ADAMTS3: variants seen among roughly 807,000 people sequenced by gnomAD.
The protein encoded by ADAMTS3 is ADAM metallopeptidase with thrombospondin type 1 motif 3.
ADAMTS3 carries 73 observed loss-of-function variants against 129.0 expected under a neutral mutation model. That is an observed-to-expected ratio of 0.57 (90% CI 0.47 to 0.69). The LOEUF is 0.69. Among genes scored for constraint, ADAMTS3 ranks in the 30% least tolerant of loss-of-function variants. ADAMTS3 has a pLI of 0.00. For missense variants in ADAMTS3, 1,457 were observed against 1,514.5 expected (o/e 0.96, Z 0.63); for synonymous variants, 477 against 510.8 (o/e 0.93, Z 0.89).
At position 72,389,297 on chromosome 4, in the gene ADAMTS3, C is replaced by T. The variant is rs142345069; in HGVS notation, c.661+25518G>A. On this transcript the variant is annotated intron_variant, in intron 4 of 21. Coordinates refer to ENST00000286657, the MANE Select transcript of ADAMTS3 (RefSeq NM_014243.3). Reference sequence around the variant, plus strand: ...TCCAGCAAAAATAAAAAAGAAAATTCAGAAGAATAATCTGTTTCAAAATTT... The same window carrying T: ...TCCAGCAAAAATAAAAAAGAAAATTTAGAAGAATAATCTGTTTCAAAATTT... Among the ~76,000 whole-genome samples the T allele has an allele frequency of 7.5e-3, 1,148 of 152,132 alleles. 4 individuals carry two copies. The highest frequency in any genetic ancestry group is 9.5e-3 in the Non-Finnish European group (646 of 67,976).
chr4:72,496,406 A>G (rs1252632501), intron 3 of ADAMTS3, among the ~76,000 whole-genome samples: 1 of 152,122 alleles, frequency 6.6e-6, no homozygotes. Flanking sequence ...TGGCATTCAG[A>G]TCTCACCTTT....
At chr4:72,362,198 C>G in intron 4 of ADAMTS3, among the ~76,000 whole-genome samples, 1 of 151,990 alleles carries the variant, frequency 6.6e-6, no homozygotes, top group East Asian at 1.9e-4. Context: ...GGTAGGTGCC[C>G]TATTTAAGTC....
intron 15 of ADAMTS3, among the ~76,000 whole-genome samples, 180 bp from the exon 16 acceptor site, chr4:72,306,247 A>G (rs754197444): frequency 6.6e-6 from 1 of 151,984 alleles, no homozygotes. Flanking sequence ...TCCAACATGA[A>G]ATTAGAGGCA....
At chr4:72,306,762 AC>A (rs1202323040) in intron 15 of ADAMTS3, among the ~76,000 whole-genome samples, 4 of 151,766 alleles carry the variant, frequency 2.6e-5, no homozygotes, top group African/African-American at 7.2e-5. Flanking sequence ...TAACCTCAAA[AC>A]CTCCTAAGCC....
intron 4 of ADAMTS3, among the ~76,000 whole-genome samples, chr4:72,413,521 C>T (rs1047158831): frequency 6.6e-6 from 1 of 151,964 alleles, no homozygotes; most frequent in African/African-American, 2.4e-5. Context: ...TTTAACAAAA[C>T]TCTTAACATG....
At chr4:72,368,784 C>A (rs1720932455) in intron 4 of ADAMTS3, among the ~76,000 whole-genome samples, 1 of 152,142 alleles carries the variant, frequency 6.6e-6, no homozygotes, top group Non-Finnish European at 1.5e-5. Context: ...CACAAGTAAT[C>A]TAGATAGGAG....
chr4:72,475,145 C>G (rs905009600), intron 3 of ADAMTS3, among the ~76,000 whole-genome samples: 3 of 150,630 alleles, frequency 2.0e-5, no homozygotes, highest in African/African-American at 7.3e-5. Context: ...AAATAAAGTA[C>G]CAAACTTAAG....
chr4:72,452,615 A>T (rs546083858), intron 3 of ADAMTS3, among the ~76,000 whole-genome samples: 1 of 151,934 alleles, frequency 6.6e-6, no homozygotes, highest in East Asian at 2.0e-4. Context: ...TAAGTTTCTT[A>T]GTAAATCAAA....
At chr4:72,425,508 C>T (rs1050666024) in intron 3 of ADAMTS3, among the ~76,000 whole-genome samples, 6 of 152,066 alleles carry the variant, frequency 3.9e-5, no homozygotes, top group African/African-American at 7.2e-5. Context: ...CAACAGGTCC[C>T]GGTGTGTGAT....
rs1174201216 is a variant in ADAMTS3, at chr4:72,417,927, C to T, written c.505-2956G>A. Among the ~76,000 whole-genome samples, 4 of 18,088 alleles carry T rather than the reference C, an allele frequency of 2.2e-4. 1 individual carries two copies. The highest frequency in any genetic ancestry group is 5.0e-4 in the African/African-American group (4 of 8,026). The allele number at this position is 18,088 out of a possible 152,430, so 11.9% of individuals were successfully genotyped here. A position where few individuals can be genotyped will look rare whatever the true frequency, so the allele number is the denominator to read the frequency against. ...CAGACTGGGCGACAGAGGGAGACTCCATCTCAAAAAAAAAAAAGTAAGTAC... is the reference window on the plus strand; with the variant it reads ...CAGACTGGGCGACAGAGGGAGACTCTATCTCAAAAAAAAAAAAGTAAGTAC... On this transcript the variant is annotated intron_variant, in intron 3 of 21. Transcript: ENST00000286657.
chr4:72,326,214 T>C (rs991664250), intron 5 of ADAMTS3, among the ~76,000 whole-genome samples: 2 of 152,126 alleles, frequency 1.3e-5, no homozygotes, highest in Non-Finnish European at 2.9e-5. Flanking sequence ...AAGGGAATAA[T>C]ATTTTTGCAT....
intron 15 of ADAMTS3, among the ~76,000 whole-genome samples, chr4:72,307,840 T>C (rs1259577470): frequency 6.6e-6 from 1 of 151,996 alleles, no homozygotes; most frequent in East Asian, 1.9e-4. Flanking sequence ...ATGATGACAA[T>C]ATTAGTGCAA....
chr4:72,545,816 C>T (rs1166729574), intron 3 of ADAMTS3, among the ~76,000 whole-genome samples: 3 of 152,176 alleles, frequency 2.0e-5, no homozygotes, highest in Non-Finnish European at 4.4e-5. Flanking sequence ...CAAATGTCAA[C>T]ATGTCGAAAT....
At position 72,283,059 on chromosome 4, in the gene ADAMTS3, A is replaced by T; in HGVS notation, c.*77T>A. Reference sequence around the variant, plus strand: ...GACGATCTATAGAGATTTCCACTTTAAACAAGCATATGCACCATGGGAAGA... The same window carrying T: ...GACGATCTATAGAGATTTCCACTTTTAACAAGCATATGCACCATGGGAAGA... On this transcript the variant is annotated 3_prime_UTR_variant, in exon 22 of 22. Transcript: ENST00000286657. The T allele has an allele frequency of 8.1e-7, 1 of 1,241,290 alleles. No homozygotes were observed. The highest frequency in any genetic ancestry group is 1.1e-6 in the Non-Finnish European group (1 of 885,532). 76.9% of individuals were successfully genotyped at this position (1,241,290 alleles called of 1,614,324 possible).
At chr4:72,362,865 G>T (rs2109857183) in intron 4 of ADAMTS3, among the ~76,000 whole-genome samples, 1 of 152,128 alleles carries the variant, frequency 6.6e-6, no homozygotes, top group Non-Finnish European at 1.5e-5. Context: ...CATATCCCAA[G>T]CCCAAATGGT....
chr4:72,323,277 T>C, intron 5 of ADAMTS3, 180 bp from the exon 6 acceptor site: 1 of 581,704 alleles, frequency 1.7e-6, no homozygotes, highest in Admixed American at 2.9e-5. Flanking sequence ...TGTGTGGATA[T>C]GTAAATTGCT....
At chr4:72,327,369 T>G (rs573668760) in intron 5 of ADAMTS3, among the ~76,000 whole-genome samples, 3 of 152,284 alleles carry the variant, frequency 2.0e-5, no homozygotes, top group African/African-American at 7.2e-5. Flanking sequence ...GGAAAGTAAT[T>G]TTTCTGAAGT....
chr4:72,353,071 A>T (rs891401943), intron 4 of ADAMTS3, among the ~76,000 whole-genome samples: 9 of 150,834 alleles, frequency 6.0e-5, no homozygotes, highest in African/African-American at 2.2e-4. Flanking sequence ...TTAAGTGGTC[A>T]TTCTGTTTAT....
At chr4:72,507,775 G>T (rs149162219) in intron 3 of ADAMTS3, among the ~76,000 whole-genome samples, 1 of 152,244 alleles carries the variant, frequency 6.6e-6, no homozygotes, top group Non-Finnish European at 1.5e-5. Context: ...AGCCACTCTT[G>T]TGTTTATCCT....
Sources: allele counts gnomAD v4.1 joint callset (sites outside exome capture counted in the v4.1 genomes callset), GRCh38; gene constraint gnomAD v4.1.1; transcripts MANE v1.5; gene names NCBI Gene and HGNC (gene_info 2026-07-23, HGNC 2026-07-21).